The following SMG9 variants were observed in gnomAD, a reference collection of about 807,000 sequenced individuals.
The protein encoded by SMG9 is SMG9 nonsense mediated mRNA decay factor.
A neutral mutation model predicts 64.0 loss-of-function variants in SMG9; 55 were observed. The ratio of observed to expected loss-of-function variants is 0.86; its 90% CI spans 0.69 to 1.08. SMG9 has a LOEUF of 1.08. Ranked by LOEUF, SMG9 falls within the 50% of genes least tolerant of loss-of-function variation. SMG9 has a pLI of 0.00. For synonymous variants in SMG9, 244 were observed against 254.8 expected (o/e 0.96, Z 0.41); for missense variants, 554 against 681.3 (o/e 0.81, Z 2.08).
chr19:43,749,227 G>A (rs1025732343), intron 2 of SMG9, among the ~76,000 whole-genome samples: 1 of 152,214 alleles, frequency 6.6e-6, no homozygotes, highest in Non-Finnish European at 1.5e-5. Context: ...AAGCACTGGT[G>A]CCTGACTAGC....
At position 43,738,153 on chromosome 19, in the gene SMG9, T is replaced by C. The variant is rs1358949953; in HGVS notation, c.878A>G (p.Tyr293Cys). The part of the protein sequence containing the change: ...INNDRKLPPE[Y>C]NLPHTYVEMQ... Reference sequence around the variant, plus strand: ...TTCAACGTAAGTGTGGGGAAGGTTGTACTCTGGAGGCAGTTTGCGGTCATT... The same window carrying C: ...TTCAACGTAAGTGTGGGGAAGGTTGCACTCTGGAGGCAGTTTGCGGTCATT... Residue 293 changes from tyrosine to cysteine, a missense_variant, in exon 8 of 14, where the codon TAC becomes TGC. Coordinates refer to ENST00000270066, the MANE Select transcript of SMG9 (RefSeq NM_019108.4). The C allele has an allele frequency of 1.4e-5, 23 of 1,614,114 alleles. No individual in the cohort carries two copies. Among genetic ancestry groups the C allele is most frequent in the Non-Finnish European group, 1.9e-5 (23 of 1,180,006 alleles).
chr19:43,747,752 G>A lies in SMG9; in HGVS notation c.371C>T (p.Pro124Leu), dbSNP rs1225403405. ...TGGCGCAGGGGCTGCAGGGGGTGGT[G>A]GGGCGGTGCCCTCAGGGGTAGAGGC... Reference protein sequence around the residue: ...TGASTPEGTAPPPPAAPAPPK... With the variant: ...TGASTPEGTALPPPAAPAPPK... Residue 124 changes from proline to leucine, a missense_variant, in exon 4 of 14, where the codon CCA becomes CTA. Coordinates refer to ENST00000270066, the MANE Select transcript of SMG9 (RefSeq NM_019108.4). The A allele has an allele frequency of 3.1e-6, 5 of 1,609,902 alleles. No homozygotes were observed. Among genetic ancestry groups the A allele is most frequent in the Admixed American group, 1.7e-5 (1 of 59,742 alleles).
chr19:43,739,163 G>A (rs1188407494), intron 7 of SMG9, among the ~76,000 whole-genome samples: 1 of 152,080 alleles, frequency 6.6e-6, no homozygotes, highest in African/African-American at 2.4e-5. Flanking sequence ...GGGCTTCTGA[G>A]AGGAGGCCAC....
chr19:43,749,846 C>T (rs1399145344), intron 2 of SMG9, among the ~76,000 whole-genome samples: 1 of 152,196 alleles, frequency 6.6e-6, no homozygotes, highest in Non-Finnish European at 1.5e-5. Flanking sequence ...CTAAGCTGGA[C>T]CTGGATCTGA....
At chr19:43,745,179 A>C (rs1392987800) in intron 5 of SMG9, among the ~76,000 whole-genome samples, 1 of 152,218 alleles carries the variant, frequency 6.6e-6, no homozygotes, top group Non-Finnish European at 1.5e-5. Context: ...CAGCGGGAAA[A>C]AGGGAAGTCT....
At chr19:43,738,976 A>C (rs1039348686) in intron 7 of SMG9, among the ~76,000 whole-genome samples, 1 of 152,234 alleles carries the variant, frequency 6.6e-6, no homozygotes, top group African/African-American at 2.4e-5. Flanking sequence ...CAGTGACCAG[A>C]ACTCTGTTCC....
intron 6 of SMG9, among the ~76,000 whole-genome samples, chr19:43,743,147 C>T (rs571673385): frequency 2.6e-5 from 4 of 152,140 alleles, no homozygotes; most frequent in African/African-American, 9.6e-5. Flanking sequence ...TGAAGTCTAC[C>T]ACACCACAGG....
chr19:43,747,632 C>T lies in SMG9; in HGVS notation c.490+1G>A. ...CCTGGTACTGCCCAGCCCCAACTCA[C>T]GGTCCATGGCTGCTGGTGCGGCAGT... On this transcript the variant is annotated splice_donor_variant, in intron 4 of 13. Coordinates refer to ENST00000270066, the MANE Select transcript of SMG9 (RefSeq NM_019108.4). LOFTEE classifies it high-confidence loss of function. 6.2e-7 allele frequency: 1 copy of T among 1,613,896 alleles called. No individual in the cohort carries two copies. The highest frequency in any genetic ancestry group is 8.5e-7 in the Non-Finnish European group (1 of 1,179,918).
rs773364118 is a variant in SMG9, at chr19:43,733,736, G to C, written c.1103-3C>G. On this transcript the variant is annotated splice_region_variant and splice_polypyrimidine_tract_variant and intron_variant, in intron 10 of 13. Coordinates refer to ENST00000270066, the MANE Select transcript of SMG9 (RefSeq NM_019108.4). The stretch of plus-strand genomic sequence containing the variant: ...GCGAGCTTTGTTCTGCAAGAAGACT[G>C]AGGGTGGGAAGAGACGGGCCCTGTC... 1 of 1,613,600 alleles carries C rather than the reference G, an allele frequency of 6.2e-7. No individual in the cohort carries two copies. The highest frequency in any genetic ancestry group is 8.5e-7 in the Non-Finnish European group (1 of 1,179,576).
At chr19:43,746,526 G>A (rs1969013062) in intron 5 of SMG9, among the ~76,000 whole-genome samples, 1 of 152,140 alleles carries the variant, frequency 6.6e-6, no homozygotes, top group South Asian at 2.1e-4. Context: ...CAATGTGAGA[G>A]TGGACACAGA....
At chr19:43,748,572 G>A (rs567883426) in intron 2 of SMG9, 2 of 490,910 alleles carry the variant, frequency 4.1e-6, no homozygotes, top group Non-Finnish European at 8.2e-6. Context: ...TGTGAGAGCT[G>A]CTGGTGGCAC....
At chr19:43,751,843 G>A (rs1215023721) in intron 1 of SMG9, among the ~76,000 whole-genome samples, 1 of 152,206 alleles carries the variant, frequency 6.6e-6, no homozygotes, top group Admixed American at 6.5e-5. Flanking sequence ...TGCCTACTTC[G>A]AGAGGCAGTG....
intron 2 of SMG9, chr19:43,750,232 C>T (rs369993599): frequency 3.7e-6 from 2 of 536,546 alleles, no homozygotes; most frequent in African/African-American, 1.9e-5. Context: ...CCTCCTTCCT[C>T]ATCAATTGCA....
intron 7 of SMG9, among the ~76,000 whole-genome samples, chr19:43,739,296 C>T (rs1968773024): frequency 6.6e-6 from 1 of 152,236 alleles, no homozygotes; most frequent in South Asian, 2.1e-4. Context: ...CTGTTGGGTG[C>T]TGTCATTAGG....
intron 2 of SMG9, chr19:43,750,315 G>A: frequency 1.6e-6 from 1 of 627,290 alleles, no homozygotes; most frequent in Admixed American, 1.8e-5. Context: ...TGCGCTTGCT[G>A]TTCTTTCTGT....
chr19:43,754,843 A>G lies in SMG9; in HGVS notation c.-196T>C, dbSNP rs945971006. The G allele has an allele frequency of 6.6e-6, 1 of 152,286 alleles. No individual in the cohort carries two copies. The highest frequency in any genetic ancestry group is 1.5e-5 in the Non-Finnish European group (1 of 68,118). The allele number at this position is 152,286 out of a possible 1,614,324, so 9.4% of individuals were successfully genotyped here. A position where few individuals can be genotyped will look rare whatever the true frequency, so the allele number is the denominator to read the frequency against. ...CCTCGGCGTCCGGGTTGCAGCCCCT[A>G]AGGAAAGCTGGGCCGAAGGAAGAAG... On this transcript the variant is annotated 5_prime_UTR_variant, in exon 1 of 14. Coordinates refer to ENST00000270066, the MANE Select transcript of SMG9 (RefSeq NM_019108.4).
intron 7 of SMG9, chr19:43,739,791 G>A (rs1173839944): frequency 2.9e-6 from 1 of 346,554 alleles, no homozygotes; most frequent in Non-Finnish European, 5.5e-6. Flanking sequence ...TGGTTTAAGG[G>A]AGTTTAAAAC....
intron 1 of SMG9, among the ~76,000 whole-genome samples, chr19:43,752,546 G>T (rs1599662322): frequency 1.3e-5 from 2 of 152,298 alleles, no homozygotes; most frequent in South Asian, 4.1e-4. Context: ...TGGCAGAGCT[G>T]AGACAGACAA....
At chr19:43,733,045 G>A (rs1968537199) in intron 12 of SMG9, 43 bp from the exon 13 acceptor site, 14 of 1,562,430 alleles carry the variant, frequency 9.0e-6, no homozygotes, top group Non-Finnish European at 1.2e-5. Context: ...TAGACTGCCA[G>A]GGTCTTTCTC....
Sources: allele counts gnomAD v4.1 joint callset (sites outside exome capture counted in the v4.1 genomes callset), GRCh38; gene constraint gnomAD v4.1.1; transcripts MANE v1.5; gene names NCBI Gene and HGNC (gene_info 2026-07-23, HGNC 2026-07-21).